Variants in PRKAR1B observed in about 807,000 individuals in gnomAD.
The protein encoded by PRKAR1B is cAMP-dependent protein kinase type I-beta regulatory subunit.
Under a neutral mutation model 46.5 loss-of-function variants are expected in PRKAR1B, and 22 were observed. The ratio of observed to expected loss-of-function variants is 0.47; its 90% confidence interval spans 0.34 to 0.68. The LOEUF (loss-of-function observed/expected upper bound fraction) is 0.68. PRKAR1B is among the 30% of genes least tolerant of loss of function. The probability of loss-of-function intolerance (pLI) is 0.01; values close to 1 mark genes in which losing one functional copy is unlikely to be tolerated. For missense variants in PRKAR1B, 445 were observed against 535.6 expected, an observed-to-expected ratio of 0.83 and a Z score of 1.67; for synonymous variants, 259 against 217.7, an observed-to-expected ratio of 1.19 and a Z score of -1.67.
chr7:581,197 G>A (rs1382139007), intron 8 of PRKAR1B, among the ~76,000 whole-genome samples: 2 of 151,862 alleles, frequency 1.3e-5, no homozygotes, highest in African/African-American at 2.4e-5. Context: ...CAGCTACTCC[G>A]GAGGCTGAGG....
chr7:685,289 T>TATATAC lies in PRKAR1B; in HGVS notation c.178-4564_178-4563insGTATAT, dbSNP rs1491565815. On this transcript the variant is annotated intron_variant, in intron 2 of 10. Coordinates refer to ENST00000537384, the MANE Select transcript of PRKAR1B (RefSeq NM_001164760.2). ...ATATACGTATATATACGTATATATA[T>TATATAC]GTATACATATATATATACGTATATA... 4.9e-4 allele frequency among the ~76,000 whole-genome samples: 6 copies of TATATAC among 12,188 alleles called. 2 individuals are homozygous for TATATAC. Among genetic ancestry groups the TATATAC allele is most frequent in the African/African-American group, 2.5e-3 (5 of 2,006 alleles). The allele number at this position is 12,188 out of a possible 152,430, so 8.0% of individuals were successfully genotyped here.
At chr7:587,240 G>C (rs1780654340) in intron 7 of PRKAR1B, among the ~76,000 whole-genome samples, 1 of 152,166 alleles carries the variant, frequency 6.6e-6, no homozygotes. Flanking sequence ...CTTCTCCTGA[G>C]GGGTGCTGTT....
rs62431448 is a variant in PRKAR1B at position 596,594 on chromosome 7, G to A, written c.550-290C>T. On this transcript the variant is annotated intron_variant, in intron 6 of 10. Coordinates refer to ENST00000537384, the MANE Select transcript of PRKAR1B (RefSeq NM_001164760.2). ...TGAGACAACCACACCAGAGGCGGAC[G>A]CACCCGGCCCCCGCTCTGCGGCACA... Among the ~76,000 whole-genome samples, 179 of 152,344 alleles carry A rather than the reference G, an allele frequency of 1.2e-3. 3 individuals are homozygous for A. The highest frequency in any genetic ancestry group is 7.5e-3 in the South Asian group (36 of 4,828).
chr7:567,630 A>G (rs1265459465), intron 9 of PRKAR1B, among the ~76,000 whole-genome samples: 1 of 152,200 alleles, frequency 6.6e-6, no homozygotes. Flanking sequence ...CAAAATAAAA[A>G]ACAGGCTTGG....
intron 5 of PRKAR1B, among the ~76,000 whole-genome samples, chr7:606,672 T>C (rs901734099): frequency 2.4e-4 from 37 of 152,100 alleles, no homozygotes; most frequent in African/African-American, 8.9e-4. Flanking sequence ...GGTTTCAAAC[T>C]CCTGACCTCA....
At chr7:587,766 G>A (rs1780680459) in intron 7 of PRKAR1B, among the ~76,000 whole-genome samples, 1 of 152,228 alleles carries the variant, frequency 6.6e-6, no homozygotes, top group South Asian at 2.1e-4. Context: ...AGCTGCTGGG[G>A]CAGGAGGCCC....
At chr7:617,166 G>A (rs1307916707) in intron 4 of PRKAR1B, among the ~76,000 whole-genome samples, 1 of 151,848 alleles carries the variant, frequency 6.6e-6, no homozygotes, top group Non-Finnish European at 1.5e-5. Flanking sequence ...GCTAATTTTT[G>A]TGTTTTCAGT....
intron 4 of PRKAR1B, among the ~76,000 whole-genome samples, chr7:669,768 A>T (rs1361376510): frequency 6.6e-6 from 1 of 150,818 alleles, no homozygotes; most frequent in Non-Finnish European, 1.5e-5. Flanking sequence ...CATCTCAAAA[A>T]AAAAGAAAAG....
intron 6 of PRKAR1B, among the ~76,000 whole-genome samples, chr7:597,939 C>T (rs1052723817): frequency 3.3e-5 from 5 of 152,180 alleles, no homozygotes; most frequent in East Asian, 1.9e-4. Flanking sequence ...TCGCTCAGAT[C>T]GGGGCCTCAC....
intron 4 of PRKAR1B, among the ~76,000 whole-genome samples, chr7:621,589 G>A (rs1007091437): frequency 6.6e-6 from 1 of 152,172 alleles, no homozygotes; most frequent in African/African-American, 2.4e-5. Flanking sequence ...CCAGGATCCC[G>A]AGTTTGCAAC....
At chr7:684,961 C>A (rs1381874841) in intron 2 of PRKAR1B, among the ~76,000 whole-genome samples, 1 of 151,768 alleles carries the variant, frequency 6.6e-6, no homozygotes, top group Non-Finnish European at 1.5e-5. Flanking sequence ...ATATCTAGCT[C>A]TAAAATACAC....
At chr7:630,659 C>T (rs1005727941) in intron 4 of PRKAR1B, among the ~76,000 whole-genome samples, 1 of 152,228 alleles carries the variant, frequency 6.6e-6, no homozygotes, top group Admixed American at 6.5e-5. Flanking sequence ...CCTGGCCTCA[C>T]TGCCAGGCTC....
chr7:603,003 G>A (rs757305689), intron 6 of PRKAR1B, among the ~76,000 whole-genome samples: 10 of 152,118 alleles, frequency 6.6e-5, no homozygotes, highest in South Asian at 2.1e-4. Flanking sequence ...GCCCCATGTC[G>A]GTTTCAGGCT....
rs35268388 is a variant in PRKAR1B, at chr7:549,246, AG to A, written c.*1183del. The A allele has an allele frequency of 0.25, 37,560 of 151,876 alleles. 4,771 individuals carry two copies. Among genetic ancestry groups the A allele is most frequent in the African/African-American group, 0.27 (11,241 of 41,404 alleles). The allele number at this position is 151,876 out of a possible 1,614,324, so 9.4% of individuals were successfully genotyped here. On this transcript the variant is annotated 3_prime_UTR_variant, in exon 11 of 11. Transcript: ENST00000537384. ...TCATGCAGTATTCAGAGCAGAGATA[AG>A]GGGGGGGATGGCTCACAGGTCCACA...
At chr7:680,832 G>C in intron 2 of PRKAR1B, 106 bp from the exon 3 acceptor site, 2 of 1,339,716 alleles carry the variant, frequency 1.5e-6, no homozygotes, top group South Asian at 2.6e-5. Context: ...CTAGTGGGAG[G>C]ATCGCTTGAA....
chr7:579,248 C>A lies in PRKAR1B; in HGVS notation c.891+8G>T. ...ACCCAGAGCGCCCACGTGGGAAGCA[C>A]GTCTCACCTCCGTGATGATGTAAAA... On this transcript the variant is annotated splice_region_variant and intron_variant, in intron 9 of 10. Coordinates refer to ENST00000537384, the MANE Select transcript of PRKAR1B (RefSeq NM_001164760.2). The A allele has an allele frequency of 6.2e-7, 1 of 1,614,078 alleles. No homozygotes were observed. The highest frequency in any genetic ancestry group is 8.5e-7 in the Non-Finnish European group (1 of 1,180,006).
rs150781113 is a variant in PRKAR1B, at chr7:695,442, G to C, written c.178-14716C>G. On this transcript the variant is annotated intron_variant, in intron 2 of 10. Coordinates refer to ENST00000537384, the MANE Select transcript of PRKAR1B (RefSeq NM_001164760.2). The stretch of plus-strand genomic sequence containing the variant: ...AGAGCCCCGTGCCGGTCAGGAAGGG[G>C]TCAGTGGTGCTGCCTTCCCAAGCCT... Among the ~76,000 whole-genome samples, 18 of 152,278 alleles carry C rather than the reference G, an allele frequency of 1.2e-4. No homozygotes were observed. The East Asian group carries it at 3.5e-3, about 29-fold the overall frequency.
chr7:604,560 G>A (rs1335342660), intron 6 of PRKAR1B, among the ~76,000 whole-genome samples: 1 of 152,252 alleles, frequency 6.6e-6, no homozygotes, highest in East Asian at 1.9e-4. Flanking sequence ...GCGCGGGCCA[G>A]GCCCGAGGCA....
At chr7:586,585 T>A (rs1225245530) in intron 7 of PRKAR1B, among the ~76,000 whole-genome samples, 1 of 152,044 alleles carries the variant, frequency 6.6e-6, no homozygotes, top group East Asian at 1.9e-4. Flanking sequence ...CCGAGGAGGG[T>A]TCCAGGCCAG....
Sources: gnomAD v4.1 joint callset for allele counts (sites outside exome capture counted in the v4.1 genomes callset) on GRCh38, gnomAD v4.1.1 for gene constraint, MANE v1.5 for transcripts, NCBI Gene and HGNC (gene_info 2026-07-23, HGNC 2026-07-21) for gene names.